ZNF646: variants seen among roughly 807,000 people sequenced by gnomAD.
ZNF646 encodes zinc finger protein 646.
Under a neutral mutation model 115.4 loss-of-function variants are expected in ZNF646, and 49 were observed. That is an observed-to-expected ratio of 0.42 (90% confidence interval 0.34 to 0.54). The LOEUF (loss-of-function observed/expected upper bound fraction) is 0.54. ZNF646 is among the 20% of genes least tolerant of loss of function. The probability of loss-of-function intolerance (pLI) is 0.04; values close to 1 mark genes in which losing one functional copy is unlikely to be tolerated. For synonymous variants in ZNF646, 933 were observed against 939.0 expected, an observed-to-expected ratio of 0.99 and a Z score of 0.12; for missense variants, 2,269 against 2,457.9, an observed-to-expected ratio of 0.92 and a Z score of 1.62.
intron 2 of ZNF646, chr16:31,082,675 T>G (rs1596781719): frequency 4.9e-6 from 2 of 412,182 alleles, no homozygotes; most frequent in South Asian, 3.1e-5. Flanking sequence ...CCACCGAGGG[T>G]GGGTGGCCCT....
chr16:31,079,793 AAAGTGGAGCCCCTGGAGG>A lies in ZNF646; in HGVS notation c.3476_3493del (p.Glu1159_Val1164del). On this transcript the variant is annotated inframe_deletion, in exon 2 of 3. Transcript: ENST00000300850. The surrounding 1 kb of genome is among the most constrained non-coding windows in gnomAD (Gnocchi z 5.5). Reference sequence around the variant, plus strand: ...AGTCGAGAAGCTCCAGGAAGAACTTAAAGTGGAGCCCCTGGAGGAAGTGGCCAGGGTGAAAGAAGAGGT... The same window carrying A: ...AGTCGAGAAGCTCCAGGAAGAACTTAAAGTGGCCAGGGTGAAAGAAGAGGT... The A allele has an allele frequency of 1.2e-6, 2 of 1,613,662 alleles. No individual in the cohort carries two copies. The highest frequency in any genetic ancestry group is 1.7e-6 in the Non-Finnish European group (2 of 1,179,932).
In ZNF646 at chr16:31,078,391, C is replaced by T; in HGVS notation, c.2067C>T (p.Leu689=). Residue 689 remains leucine (L), a synonymous_variant, in exon 2 of 3, where the codon CTC becomes CTT. Transcript: ENST00000300850. ...GGASGGREAK[L]LAAESWTREL... ...CCAGCGGTGGGAGAGAAGCCAAACT[C>T]CTGGCAGCGGAGAGCTGGACCCGGG... 1 of 1,612,108 alleles carries T rather than the reference C, an allele frequency of 6.2e-7. No individual in the cohort carries two copies. Among genetic ancestry groups the T allele is most frequent in the South Asian group, 1.1e-5 (1 of 90,946 alleles).
Position 31,081,144 on chromosome 16 carries a change from A to G in ZNF646, c.4820A>G (p.His1607Arg), listed in dbSNP as rs1449902955. 1 of 1,604,082 alleles carries G rather than the reference A, an allele frequency of 6.2e-7. No homozygotes were observed. Among genetic ancestry groups the G allele is most frequent in the Admixed American group, 1.7e-5 (1 of 59,272 alleles). Residue 1607 changes from histidine (H) to arginine (R), a missense_variant, in exon 2 of 3, where the codon CAT (histidine) becomes CGT (arginine). By Grantham distance (29) the His-to-Arg change is conservative (BLOSUM62 0). Around this residue, in one of 5 missense-constraint regions of ZNF646, gnomAD observed 1,062 missense variants for 1,172.8 expected, o/e 0.91. Coordinates refer to ENST00000300850, the MANE Select transcript of ZNF646 (RefSeq NM_014699.4). ...GAACTGGCCAGCCACCTGCAGGCTCATGCCCGGGGCCACAGCCAGGTGCCA... is the reference window on the plus strand; with the variant it reads ...GAACTGGCCAGCCACCTGCAGGCTCGTGCCCGGGGCCACAGCCAGGTGCCA... ...HQELASHLQAHARGHSQVPAQ... is the reference protein window; with the variant it reads ...HQELASHLQARARGHSQVPAQ...
chr16:31,074,607 C>T lies in ZNF646; in HGVS notation c.-104C>T, dbSNP rs1350926425. ...CGCGAGAGCCCCCCGACAGCCACCC[C>T]TTGGGGCGCGCGGCTGCAGTTAGGG... On this transcript the variant is annotated 5_prime_UTR_variant, in exon 1 of 3. Transcript: ENST00000300850. 6.6e-6 allele frequency: 1 copy of T among 152,256 alleles called. No individual in the cohort carries two copies. The highest frequency in any genetic ancestry group is 1.5e-5 in the Non-Finnish European group (1 of 68,066). The allele number at this position is 152,256 out of a possible 1,614,324, so 9.4% of individuals were successfully genotyped here.
At position 31,083,858 on chromosome 16, in the gene ZNF646, G is replaced by A. The variant is rs566965645; in HGVS notation, c.*766G>A. 1 of 1,597,676 alleles carries A rather than the reference G, an allele frequency of 6.3e-7. No individual in the cohort carries two copies. The highest frequency in any genetic ancestry group is 8.6e-7 in the Non-Finnish European group (1 of 1,166,448). On this transcript the variant is annotated 3_prime_UTR_variant, in exon 3 of 3. Transcript: ENST00000300850. Reference sequence around the variant, plus strand: ...AGTTGTCCTCATCCTCACGGCTTTGGTCCCTCCCTCCCTCCCCATTCCTCG... The same window carrying A: ...AGTTGTCCTCATCCTCACGGCTTTGATCCCTCCCTCCCTCCCCATTCCTCG...
chr16:31,075,386 C>G (rs1445243688), intron 1 of ZNF646, among the ~76,000 whole-genome samples: 1 of 152,186 alleles, frequency 6.6e-6, no homozygotes, highest in Non-Finnish European at 1.5e-5. Context: ...CAACCTCCAC[C>G]TCCCAGGTTC....
Position 31,081,255 on chromosome 16 carries a change from C to T in ZNF646, c.4931C>T (p.Ala1644Val), listed in dbSNP as rs375716819. The T allele has an allele frequency of 5.0e-6, 8 of 1,602,084 alleles. No individual in the cohort carries two copies. The African/African-American group carries it at 1.1e-4, about 22-fold the overall frequency. ...CCTGGTCAAGGGAAAGCCCAGGAGG[C>T]CCCATCAGAAACCCCCAGAGGCCCA... The part of the protein sequence containing the change: ...VLPGQGKAQE[A>V]PSETPRGPGE... The change falls in exon 2 of 3, where the codon GCC becomes GTC. Residue 1644 changes from alanine to valine, a missense_variant. By Grantham distance (64) the Ala-to-Val change is moderately conservative (BLOSUM62 0). Around this residue, in one of 5 missense-constraint regions of ZNF646, gnomAD observed 1,062 missense variants for 1,172.8 expected, o/e 0.91. Transcript: ENST00000300850.
chr16:31,077,529 C>T lies in ZNF646; in HGVS notation c.1205C>T (p.Pro402Leu). The change falls in exon 2 of 3, where the codon CCC (proline) becomes CTC (leucine). Residue 402 changes from proline to leucine, a missense_variant. By Grantham distance (98) the Pro-to-Leu change is moderately conservative. Around this residue, in one of 5 missense-constraint regions of ZNF646, gnomAD observed 852 missense variants for 900.2 expected, o/e 0.95. Transcript: ENST00000300850. ...AAGAGCCACCAGACAGGTGTCTACC[C>T]CTGCTCACTCTGTTCTAAGCAGCTG... ...HRKSHQTGVYPCSLCSKQLFN... is the reference protein window; with the variant it reads ...HRKSHQTGVYLCSLCSKQLFN... 4 of 1,613,426 alleles carry T rather than the reference C, an allele frequency of 2.5e-6. No individual in the cohort carries two copies. The highest frequency in any genetic ancestry group is 3.4e-6 in the Non-Finnish European group (4 of 1,179,808).
In ZNF646 at chr16:31,080,259, G is replaced by T; in HGVS notation, c.3935G>T (p.Gly1312Val). 6.2e-7 allele frequency: 1 copy of T among 1,612,296 alleles called. No individual in the cohort carries two copies. The change falls in exon 2 of 3, where the codon GGC becomes GTC. Residue 1312 changes from glycine (G) to valine (V), a missense_variant. Physicochemically the swap from Gly to Val is moderately radical, Grantham distance 109 (BLOSUM62 -3). Transcript: ENST00000300850. ...TGCGGGCGGACCTATCGCCACGCCGGCAGCCTCCTGAACCACCGGCGCAGC... is the reference window on the plus strand; with the variant it reads ...TGCGGGCGGACCTATCGCCACGCCGTCAGCCTCCTGAACCACCGGCGCAGC... ...GQCGRTYRHA[G>V]SLLNHRRSHE...
rs995670980 is a variant in ZNF646 at position 31,078,640 on chromosome 16, G to T, written c.2316G>T (p.Leu772Phe). Residue 772 changes from leucine to phenylalanine, a missense_variant, in exon 2 of 3, where the codon TTG becomes TTT. Around this residue, in one of 5 missense-constraint regions of ZNF646, gnomAD observed 852 missense variants for 900.2 expected, o/e 0.95. Transcript: ENST00000300850. ...AGGATGCCAGTTTACTTGACAACTT[G>T]GACATCCCAGGTGAGGAAGGTGGTG... The part of the protein sequence containing the change: ...ERKDASLLDN[L>F]DIPGEEGGGT... 1.2e-6 allele frequency: 2 copies of T among 1,614,048 alleles called. No homozygotes were observed. The highest frequency in any genetic ancestry group is 1.7e-6 in the Non-Finnish European group (2 of 1,180,014).
In ZNF646 at chr16:31,082,948, ACCT is replaced by A. The variant is rs2057183453; in HGVS notation, c.5378-18_5378-16del. On this transcript the variant is annotated intron_variant, in intron 2 of 2. Transcript: ENST00000300850. ...TGCGGGGTCTGCCCCTCAGTTGGTGACCTCCTCTCTCTCTCCCCCCAGGAGCCC... is the reference window on the plus strand; with the variant it reads ...TGCGGGGTCTGCCCCTCAGTTGGTGACCTCTCTCTCTCCCCCCAGGAGCCC... The A allele has an allele frequency of 1.3e-6, 2 of 1,560,078 alleles. No individual in the cohort carries two copies. The highest frequency in any genetic ancestry group is 1.7e-6 in the Non-Finnish European group (2 of 1,152,032).
rs2057151987 is a variant in ZNF646 at position 31,081,080 on chromosome 16, G to T, written c.4756G>T (p.Ala1586Ser). The T allele has an allele frequency of 6.2e-7, 1 of 1,613,848 alleles. No individual in the cohort carries two copies. The highest frequency in any genetic ancestry group is 8.5e-7 in the Non-Finnish European group (1 of 1,179,992). Residue 1586 changes from alanine to serine, a missense_variant, in exon 2 of 3, where the codon GCC (alanine) becomes TCC (serine). This residue lies in a region of ZNF646 where 1,062 missense variants were observed against 1,172.8 expected (regional missense o/e 0.91). Transcript: ENST00000300850. ...CAACCACATAGACGCCCAGACCTTTGCCTGTCCTGACTGTGGCAAAGCCTT... is the reference window on the plus strand; with the variant it reads ...CAACCACATAGACGCCCAGACCTTTTCCTGTCCTGACTGTGGCAAAGCCTT... ...SHNHIDAQTFACPDCGKAFES... is the reference protein window; with the variant it reads ...SHNHIDAQTFSCPDCGKAFES...
Position 31,079,631 on chromosome 16 carries a change from C to T in ZNF646, c.3307C>T (p.Arg1103Cys), listed in dbSNP as rs773286228. The part of the protein sequence containing the change: ...AYRNHLRNHP[R>C]CKGSEPQVGP... ...CCGTAATCATCTGCGGAACCACCCT[C>T]GCTGCAAAGGCTCTGAGCCCCAGGT... The change falls in exon 2 of 3, where the codon CGC (arginine) becomes TGC (cysteine). Residue 1103 changes from arginine (R) to cysteine (C), a missense_variant. By Grantham distance (180) the Arg-to-Cys change is radical. Around this residue, in one of 5 missense-constraint regions of ZNF646, gnomAD observed 1,062 missense variants for 1,172.8 expected, o/e 0.91. Transcript: ENST00000300850. This position sits in a 1 kb window ranked among gnomAD's most constrained non-coding sequence, Gnocchi z 5.5. 1.4e-5 allele frequency: 22 copies of T among 1,613,286 alleles called. No homozygotes were observed. Among genetic ancestry groups the T allele is most frequent in the Middle Eastern group, 1.6e-4 (1 of 6,084 alleles).
In ZNF646 at chr16:31,076,796, G is replaced by T. The variant is rs780579805; in HGVS notation, c.472G>T (p.Ala158Ser). Residue 158 changes from alanine (A) to serine (S), a missense_variant, in exon 2 of 3, where the codon GCA (alanine) becomes TCA (serine). Transcript: ENST00000300850. ...CTGTGAATCTGTACCTGACCCCAGG[G>T]CAGCTTCGGGTACGTGGGAAGATCT... ...PDCESVPDPR[A>S]ASGTWEDLPT... 3 of 1,614,068 alleles carry T rather than the reference G, an allele frequency of 1.9e-6. No individual in the cohort carries two copies. The highest frequency in any genetic ancestry group is 2.5e-6 in the Non-Finnish European group (3 of 1,180,036).
intron 2 of ZNF646, 21 bp from the exon 3 acceptor site, chr16:31,082,950 C>T (rs2057183523): frequency 6.4e-7 from 1 of 1,564,996 alleles, no homozygotes; most frequent in Non-Finnish European, 8.7e-7. Flanking sequence ...AGTTGGTGAC[C>T]TCCTCTCTCT....
intron 2 of ZNF646, chr16:31,082,289 G>A (rs951049559): frequency 5.8e-6 from 1 of 173,108 alleles, no homozygotes; most frequent in African/African-American, 2.4e-5. Flanking sequence ...TAGACCTCTG[G>A]TCCTTCCCTG....
In ZNF646 at chr16:31,083,245, G is replaced by T. The variant is rs2057188597; in HGVS notation, c.*153G>T. On this transcript the variant is annotated 3_prime_UTR_variant, in exon 3 of 3. Transcript: ENST00000300850. ...CAGATCTGGCTTCTTTCCCAAGGAG[G>T]GGGTGGGGTGTTCCTCGCGTCCCTG... 8.2e-7 allele frequency: 1 copy of T among 1,223,098 alleles called. No homozygotes were observed. Among genetic ancestry groups the T allele is most frequent in the Non-Finnish European group, 1.1e-6 (1 of 905,494 alleles). 75.8% of individuals were successfully genotyped at this position (1,223,098 alleles called of 1,614,324 possible).
At position 31,083,325 on chromosome 16, in the gene ZNF646, C is replaced by A; in HGVS notation, c.*233C>A. On this transcript the variant is annotated 3_prime_UTR_variant, in exon 3 of 3. Transcript: ENST00000300850. Reference sequence around the variant, plus strand: ...ATCACCGTGCTCTTCTCAGCGCCACCCTCAGCAGCCAGATTGCAACACCAG... The same window carrying A: ...ATCACCGTGCTCTTCTCAGCGCCACACTCAGCAGCCAGATTGCAACACCAG... 1 of 973,922 alleles carries A rather than the reference C, an allele frequency of 1.0e-6. No homozygotes were observed. The highest frequency in any genetic ancestry group is 1.4e-6 in the Non-Finnish European group (1 of 694,958). 60.3% of individuals were successfully genotyped at this position (973,922 alleles called of 1,614,324 possible).
At position 31,074,469 on chromosome 16, in the gene ZNF646, A is replaced by C. The variant is rs965668714; in HGVS notation, c.-242A>C. The C allele has an allele frequency of 6.6e-6, 1 of 152,380 alleles. No individual in the cohort carries two copies. The highest frequency in any genetic ancestry group is 6.5e-5 in the Admixed American group (1 of 15,284). The allele number at this position is 152,380 out of a possible 1,614,324, so 9.4% of individuals were successfully genotyped here. On this transcript the variant is annotated 5_prime_UTR_variant, in exon 1 of 3. The change abolishes an upstream ATG in the 5' untranslated region. Transcript: ENST00000300850. Reference sequence around the variant, plus strand: ...AGAGCTGGGAGTAGACTCCTGGCTCATGCCAGCTGCGCCCTCTTTTCTCTA... The same window carrying C: ...AGAGCTGGGAGTAGACTCCTGGCTCCTGCCAGCTGCGCCCTCTTTTCTCTA...
Sources: allele counts gnomAD v4.1 joint callset (sites outside exome capture counted in the v4.1 genomes callset), GRCh38; gene constraint gnomAD v4.1.1; regional missense constraint gnomAD v4.1.1; non-coding constraint Gnocchi (gnomAD v3.1); transcripts MANE v1.5; gene names NCBI Gene and HGNC (gene_info 2026-07-23, HGNC 2026-07-21).